The following PLPP4 variants were observed in gnomAD, a reference collection of about 807,000 sequenced individuals.
PLPP4 encodes the protein diacylglycerol pyrophosphate like 2.
A neutral mutation model predicts 32.2 loss-of-function variants in PLPP4; 20 were observed. The ratio of observed to expected loss-of-function variants is 0.62; its 90% confidence interval spans 0.44 to 0.90. The LOEUF (loss-of-function observed/expected upper bound fraction) is 0.90. Ranked by LOEUF, PLPP4 falls within the 40% of genes least tolerant of loss-of-function variation. PLPP4 has a pLI of 0.00. For missense variants in PLPP4, 257 were observed against 353.1 expected, an observed-to-expected ratio of 0.73 and a Z score of 2.18; for synonymous variants, 127 against 133.0, an observed-to-expected ratio of 0.95 and a Z score of 0.31.
At chr10:120,538,354 A>G (rs1221922599) in intron 5 of PLPP4, among the ~76,000 whole-genome samples, 3 of 151,908 alleles carry the variant, frequency 2.0e-5, no homozygotes, top group Admixed American at 1.3e-4. Flanking sequence ...AGATCATTCT[A>G]TAGCCAAGTC....
At chr10:120,506,716 G>A (rs940515662) in intron 2 of PLPP4, among the ~76,000 whole-genome samples, 1 of 152,228 alleles carries the variant, frequency 6.6e-6, no homozygotes, top group Non-Finnish European at 1.5e-5. Flanking sequence ...TTAACAGAAT[G>A]ATGGCTAGGG....
chr10:120,574,168 ACT>A (rs58917160), intron 5 of PLPP4, among the ~76,000 whole-genome samples: 350 of 46,906 alleles, frequency 7.5e-3, no homozygotes, highest in East Asian at 8.6e-3. Context: ...ACACACACAC[ACT>A]CTCTCTCTCT....
At chr10:120,469,916 A>G (rs1589718146) in intron 1 of PLPP4, among the ~76,000 whole-genome samples, 1 of 152,146 alleles carries the variant, frequency 6.6e-6, no homozygotes, top group East Asian at 1.9e-4. Flanking sequence ...ATTTTTTGCT[A>G]TGAAAAACAA....
chr10:120,530,013 C>T (rs1017107386), intron 5 of PLPP4, among the ~76,000 whole-genome samples: 1 of 152,300 alleles, frequency 6.6e-6, no homozygotes, highest in African/African-American at 2.4e-5. Context: ...ACATTTCAGG[C>T]ATATGAAAGA....
At chr10:120,576,816 G>C (rs1265326568) in intron 6 of PLPP4, among the ~76,000 whole-genome samples, 4 of 152,212 alleles carry the variant, frequency 2.6e-5, no homozygotes, top group Non-Finnish European at 5.9e-5. Context: ...GAGATGGAAG[G>C]ATGGACAGAG....
At position 120,590,368 on chromosome 10, in the gene PLPP4, GTGGCC is replaced by G. The variant is rs1308921637; in HGVS notation, c.*867_*871del. On this transcript the variant is annotated 3_prime_UTR_variant, in exon 7 of 7. Coordinates refer to ENST00000398250, the MANE Select transcript of PLPP4 (RefSeq NM_001030059.3). The stretch of plus-strand genomic sequence containing the variant: ...GGGCTCATCTCAAGGGAGTGGCTGA[GTGGCC>G]ATTGGGGATAAGAAGCAACTTCAGG... Among the ~76,000 whole-genome samples the G allele has an allele frequency of 1.1e-3, 168 of 152,330 alleles. No individual in the cohort carries two copies. The highest frequency in any genetic ancestry group is 1.6e-3 in the Non-Finnish European group (112 of 68,036).
chr10:120,544,935 G>C (rs1847541589), intron 5 of PLPP4, among the ~76,000 whole-genome samples: 1 of 152,250 alleles, frequency 6.6e-6, no homozygotes, highest in Non-Finnish European at 1.5e-5. Context: ...GTCTATGCCA[G>C]AAGAAGAGAA....
intron 5 of PLPP4, among the ~76,000 whole-genome samples, chr10:120,534,847 C>A (rs919684722): frequency 1.3e-5 from 2 of 152,092 alleles, no homozygotes; most frequent in African/African-American, 4.8e-5. Context: ...ACATTGTCAT[C>A]ATCCCTTCCA....
At chr10:120,584,866 T>C (rs1201980299) in intron 6 of PLPP4, among the ~76,000 whole-genome samples, 1 of 152,224 alleles carries the variant, frequency 6.6e-6, no homozygotes, top group African/African-American at 2.4e-5. Flanking sequence ...ACCTGTGATA[T>C]CACTTTTCAC....
intron 1 of PLPP4, among the ~76,000 whole-genome samples, chr10:120,491,007 G>T (rs1010080893): frequency 6.6e-6 from 1 of 152,166 alleles, no homozygotes; most frequent in Non-Finnish European, 1.5e-5. Context: ...TCTGCTCAGG[G>T]TTATGTCCTA....
chr10:120,531,765 C>T (rs1348751937), intron 5 of PLPP4, among the ~76,000 whole-genome samples: 1 of 151,920 alleles, frequency 6.6e-6, no homozygotes, highest in African/African-American at 2.4e-5. Flanking sequence ...CTGTACTCTG[C>T]ATACAATTCA....
chr10:120,544,691 C>G (rs189689231), intron 5 of PLPP4, among the ~76,000 whole-genome samples: 1 of 152,344 alleles, frequency 6.6e-6, no homozygotes, highest in Non-Finnish European at 1.5e-5. Flanking sequence ...CTCTTTGGGC[C>G]CAGCCCAGCA....
At chr10:120,504,584 G>C (rs1334483680) in intron 2 of PLPP4, among the ~76,000 whole-genome samples, 1 of 152,238 alleles carries the variant, frequency 6.6e-6, no homozygotes, top group African/African-American at 2.4e-5. Context: ...TTTAGAGTAA[G>C]AAGCTATTAT....
At chr10:120,486,749 CA>C (rs1475965352) in intron 1 of PLPP4, among the ~76,000 whole-genome samples, 3 of 152,204 alleles carry the variant, frequency 2.0e-5, no homozygotes, top group Non-Finnish European at 4.4e-5. Flanking sequence ...ACTCCTTGAC[CA>C]GACAGGCACA....
intron 6 of PLPP4, among the ~76,000 whole-genome samples, chr10:120,587,788 C>T (rs967090687): frequency 1.3e-5 from 2 of 152,218 alleles, no homozygotes; most frequent in Non-Finnish European, 2.9e-5. Context: ...ACAGGAGATG[C>T]AGGGACATTA....
At chr10:120,577,425 A>G (rs755940) in intron 6 of PLPP4, among the ~76,000 whole-genome samples, 17,541 of 152,118 alleles carry the variant, frequency 0.12, 1,706 homozygotes, top group African/African-American at 0.25. Flanking sequence ...GTAGTGTAAC[A>G]TGGCCAGAGT....
intron 5 of PLPP4, among the ~76,000 whole-genome samples, chr10:120,552,620 G>A (rs1370040043): frequency 6.6e-6 from 1 of 152,200 alleles, no homozygotes; most frequent in Non-Finnish European, 1.5e-5. Flanking sequence ...AATCTGGCTG[G>A]TGGGTGAGAA....
chr10:120,503,619 G>A (rs1308586254), intron 1 of PLPP4, 199 bp from the exon 2 acceptor site: 1 of 1,608,446 alleles, frequency 6.2e-7, no homozygotes, highest in Non-Finnish European at 8.5e-7. Context: ...TGATGGAAGA[G>A]TCTGCAAAGT....
At chr10:120,506,589 G>A (rs578092758) in intron 2 of PLPP4, among the ~76,000 whole-genome samples, 10 of 152,228 alleles carry the variant, frequency 6.6e-5, no homozygotes, top group East Asian at 3.9e-4. Flanking sequence ...TTCTTACCAA[G>A]GTGTTTTTTA....
Sources: allele counts gnomAD v4.1 joint callset (sites outside exome capture counted in the v4.1 genomes callset), GRCh38; gene constraint gnomAD v4.1.1; transcripts MANE v1.5; gene names NCBI Gene and HGNC (gene_info 2026-07-23, HGNC 2026-07-21).